The following ADGRL2 variants were observed in gnomAD, a reference collection of about 807,000 sequenced individuals.
ADGRL2 encodes the protein calcium-independent alpha-latrotoxin receptor 2.
In ADGRL2, 44 loss-of-function variants were observed where a neutral mutation model predicts 157.4. That is an observed-to-expected ratio of 0.28 (90% confidence interval 0.22 to 0.36). ADGRL2 has a LOEUF of 0.36. Among genes scored for constraint, ADGRL2 ranks in the 10% least tolerant of loss-of-function variants. The pLI is 1.00. For synonymous variants in ADGRL2, 585 were observed against 624.7 expected, an observed-to-expected ratio of 0.94 and a Z score of 0.95; for missense variants, 1,510 against 1,768.9, an observed-to-expected ratio of 0.85 and a Z score of 2.63.
chr1:81,755,192 A>C (rs1487670494), intron 1 of ADGRL2, among the ~76,000 whole-genome samples: 1 of 100,856 alleles, frequency 9.9e-6, no homozygotes, highest in Non-Finnish European at 2.3e-5. Flanking sequence ...ATTTAAAGAT[A>C]TATATATATA....
chr1:81,946,253 A>G (rs1270776635), intron 6 of ADGRL2, among the ~76,000 whole-genome samples: 1 of 151,572 alleles, frequency 6.6e-6, no homozygotes, highest in Non-Finnish European at 1.5e-5. Context: ...CTGTTTAATA[A>G]TATATTAGCC....
intron 3 of ADGRL2, among the ~76,000 whole-genome samples, chr1:81,651,289 G>A (rs535290775): frequency 6.6e-6 from 1 of 152,146 alleles, no homozygotes; most frequent in South Asian, 2.1e-4. Context: ...CAAAATGTAT[G>A]ATTCCTATCA....
intron 2 of ADGRL2, chr1:81,505,191 C>T: frequency 2.0e-6 from 1 of 500,238 alleles, no homozygotes; most frequent in Non-Finnish European, 3.7e-6. Context: ...CACGCTCACC[C>T]CCACTCCCAC....
At chr1:81,349,070 G>A (rs952314765) in intron 1 of ADGRL2, among the ~76,000 whole-genome samples, 1 of 152,082 alleles carries the variant, frequency 6.6e-6, no homozygotes, top group Non-Finnish European at 1.5e-5. Flanking sequence ...CATTGAAAAA[G>A]TTTTATGATT....
chr1:81,864,328 T>TA (rs1419418318), intron 2 of ADGRL2, among the ~76,000 whole-genome samples: 2 of 152,044 alleles, frequency 1.3e-5, no homozygotes, highest in Non-Finnish European at 2.9e-5. Context: ...AGTTGGCAAA[T>TA]ACGTATATAT....
intron 1 of ADGRL2, among the ~76,000 whole-genome samples, chr1:81,404,014 T>C (rs2076810030): frequency 6.6e-6 from 1 of 152,136 alleles, no homozygotes; most frequent in Non-Finnish European, 1.5e-5. Flanking sequence ...GCCAGGTTGG[T>C]CTCGATCTCT....
At chr1:81,631,344 G>C (rs1293008268) in intron 3 of ADGRL2, among the ~76,000 whole-genome samples, 1 of 151,984 alleles carries the variant, frequency 6.6e-6, no homozygotes, top group African/African-American at 2.4e-5. Context: ...AGCTTCCCGA[G>C]TAGCTGGAAT....
At chr1:81,459,890 T>C (rs1426164707) in intron 2 of ADGRL2, among the ~76,000 whole-genome samples, 3 of 151,934 alleles carry the variant, frequency 2.0e-5, no homozygotes, top group African/African-American at 4.8e-5. Flanking sequence ...GGTGGCTCTA[T>C]TTTTAATTTG....
At chr1:81,636,892 G>T (rs981861568) in intron 3 of ADGRL2, among the ~76,000 whole-genome samples, 1 of 152,180 alleles carries the variant, frequency 6.6e-6, no homozygotes, top group African/African-American at 2.4e-5. Flanking sequence ...TGGGAGTGCA[G>T]TGGCGCGATC....
chr1:81,487,418 G>C (rs2078532072), intron 2 of ADGRL2, among the ~76,000 whole-genome samples: 1 of 152,190 alleles, frequency 6.6e-6, no homozygotes, highest in African/African-American at 2.4e-5. Context: ...GCTGAGGCAG[G>C]CAGATCACCT....
intron 2 of ADGRL2, among the ~76,000 whole-genome samples, chr1:81,492,110 AT>A (rs1346450579): frequency 2.6e-5 from 4 of 152,190 alleles, no homozygotes; most frequent in African/African-American, 9.7e-5. Flanking sequence ...GCAATAATTT[AT>A]AACTTTGTTT....
intron 1 of ADGRL2, among the ~76,000 whole-genome samples, chr1:81,754,141 C>T (rs2085583810): frequency 6.6e-6 from 1 of 152,016 alleles, no homozygotes. Context: ...GCTTCTTGGA[C>T]TTAATAGACT....
intron 3 of ADGRL2, among the ~76,000 whole-genome samples, chr1:81,626,276 A>G (rs538833263): frequency 6.6e-6 from 1 of 152,274 alleles, no homozygotes; most frequent in African/African-American, 2.4e-5. Flanking sequence ...CCAATCAGTG[A>G]ACATGAACTT....
intron 15 of ADGRL2, among the ~76,000 whole-genome samples, chr1:81,969,981 G>A (rs894434919): frequency 4.1e-5 from 6 of 146,756 alleles, no homozygotes; most frequent in Non-Finnish European, 7.5e-5. Context: ...TCTACAAGTG[G>A]AATATTTAGA....
chr1:81,984,795 G>A (rs1662685176), intron 20 of ADGRL2, 84 bp downstream of exon 20: 3 of 1,397,260 alleles, frequency 2.1e-6, no homozygotes, highest in Non-Finnish European at 2.9e-6. Context: ...TGCACTAATT[G>A]TCTTCTCATT....
At chr1:81,548,211 G>A in intron 2 of ADGRL2, among the ~76,000 whole-genome samples, 1 of 152,016 alleles carries the variant, frequency 6.6e-6, no homozygotes, top group Non-Finnish European at 1.5e-5. Context: ...CTTATGTTCT[G>A]TGCAATTCTC....
At chr1:81,801,556 C>T (rs1009945709) in intron 1 of ADGRL2, among the ~76,000 whole-genome samples, 3 of 152,212 alleles carry the variant, frequency 2.0e-5, no homozygotes, top group Non-Finnish European at 4.4e-5. Context: ...TGTGGCGTGG[C>T]TCTTCCCGGC....
intron 2 of ADGRL2, among the ~76,000 whole-genome samples, chr1:81,491,881 A>G (rs1182477524): frequency 6.6e-6 from 1 of 152,142 alleles, no homozygotes; most frequent in Admixed American, 6.6e-5. Context: ...GGGTTGTCCA[A>G]AGTGATGTGG....
chr1:81,322,046 T>G (rs1250712380), intron 1 of ADGRL2, among the ~76,000 whole-genome samples: 1 of 146,586 alleles, frequency 6.8e-6, no homozygotes, highest in Non-Finnish European at 1.5e-5. Flanking sequence ...TTTGCCATAC[T>G]ATTTTTTTCA....
Sources: allele counts gnomAD v4.1 joint callset (sites outside exome capture counted in the v4.1 genomes callset), GRCh38; gene constraint gnomAD v4.1.1; transcripts MANE v1.5; gene names NCBI Gene and HGNC (gene_info 2026-07-23, HGNC 2026-07-21).